CWC27: variants seen among roughly 807,000 people sequenced by gnomAD.
CWC27 encodes the protein CWC27 spliceosome associated cyclophilin.
CWC27 carries 47 observed loss-of-function variants against 63.6 expected under a neutral mutation model. That is an observed-to-expected ratio of 0.74 (90% CI 0.58 to 0.94). The LOEUF (loss-of-function observed/expected upper bound fraction) is 0.94. Among genes scored for constraint, CWC27 ranks in the 40% least tolerant of loss-of-function variants. The probability of loss-of-function intolerance (pLI) is 0.00; values close to 1 mark genes in which losing one functional copy is unlikely to be tolerated. For missense variants in CWC27, 495 were observed against 554.3 expected (o/e 0.89, Z 1.07); for synonymous variants, 175 against 179.8 (o/e 0.97, Z 0.22).
rs10045421 is a variant in CWC27, at chr5:64,921,869, T to C, written c.1042+36323T>C. Among the ~76,000 whole-genome samples, 950 of 152,328 alleles carry C rather than the reference T, an allele frequency of 6.2e-3. 13 individuals carry two copies. Among genetic ancestry groups the C allele is most frequent in the African/African-American group, 0.022 (922 of 41,588 alleles). ...CAGGTCTAATGGTAACAAAGTCCCT[T>C]AGCATTTGCTTGTCTGAAAAGGATT... On this transcript the variant is annotated intron_variant, in intron 11 of 13. Transcript: ENST00000381070.
At chr5:64,906,225 T>C (rs1747637707) in intron 11 of CWC27, among the ~76,000 whole-genome samples, 2 of 152,218 alleles carry the variant, frequency 1.3e-5, no homozygotes, top group Non-Finnish European at 2.9e-5. Context: ...AAATGGTATT[T>C]CTAGTTCTAG....
chr5:64,885,613 C>T, intron 11 of CWC27, 67 bp downstream of exon 11: 1 of 1,133,308 alleles, frequency 8.8e-7, no homozygotes, highest in Non-Finnish European at 1.3e-6. Flanking sequence ...TTAGCTCCTC[C>T]CTGCCCGCTC....
intron 11 of CWC27, among the ~76,000 whole-genome samples, chr5:64,937,323 C>T (rs1748375804): frequency 6.6e-6 from 1 of 152,140 alleles, no homozygotes; most frequent in African/African-American, 2.4e-5. Context: ...TTTCAAAGAA[C>T]TTATTTATTT....
intron 13 of CWC27, among the ~76,000 whole-genome samples, chr5:64,983,002 A>G (rs548956216): frequency 3.3e-5 from 5 of 151,928 alleles, no homozygotes; most frequent in Non-Finnish European, 7.4e-5. Context: ...TCATTATGAG[A>G]CTCTAATGAC....
At chr5:64,875,187 A>C (rs956297500) in intron 10 of CWC27, among the ~76,000 whole-genome samples, 1 of 152,184 alleles carries the variant, frequency 6.6e-6, no homozygotes, top group African/African-American at 2.4e-5. Flanking sequence ...GAGATCTTAC[A>C]AAGATTAGGG....
chr5:64,772,501 C>T (rs892707997), intron 1 of CWC27, among the ~76,000 whole-genome samples: 2 of 151,282 alleles, frequency 1.3e-5, no homozygotes, highest in African/African-American at 4.9e-5. Context: ...ATGTTGTGAG[C>T]CTGTAATCCC....
In CWC27 at chr5:64,889,680, C is replaced by T. The variant is rs112888519; in HGVS notation, c.1042+4134C>T. Among the ~76,000 whole-genome samples the T allele has an allele frequency of 8.5e-3, 1,297 of 152,246 alleles. 16 individuals are homozygous for T. Among genetic ancestry groups the T allele is most frequent in the South Asian group, 0.02 (96 of 4,822 alleles). On this transcript the variant is annotated intron_variant, in intron 11 of 13. Coordinates refer to ENST00000381070, the MANE Select transcript of CWC27 (RefSeq NM_005869.4). ...GTGGCTCACGCCTGTAATCCCAGCA[C>T]TTTGGGATTGAATATAGAATTTGCA...
intron 10 of CWC27, chr5:64,884,356 G>A (rs1397906407): frequency 6.6e-6 from 1 of 152,074 alleles, no homozygotes; most frequent in East Asian, 1.9e-4. Flanking sequence ...TGCAAAATGT[G>A]GCTGTGTGTG....
chr5:64,876,359 G>A (rs1477933100), intron 10 of CWC27, among the ~76,000 whole-genome samples: 1 of 152,046 alleles, frequency 6.6e-6, no homozygotes, highest in Non-Finnish European at 1.5e-5. Flanking sequence ...TAAAGCAGCA[G>A]GCTAAAGACC....
intron 10 of CWC27, among the ~76,000 whole-genome samples, chr5:64,825,956 T>A (rs1745344825): frequency 6.6e-6 from 1 of 152,246 alleles, no homozygotes; most frequent in Admixed American, 6.5e-5. Flanking sequence ...CGTCTGTGAA[T>A]AGTAGCTTCA....
chr5:64,936,811 T>A (rs1748363700), intron 11 of CWC27, among the ~76,000 whole-genome samples: 1 of 152,200 alleles, frequency 6.6e-6, no homozygotes, highest in Non-Finnish European at 1.5e-5. Flanking sequence ...TTTGACTTCT[T>A]TCTGGTTTAG....
intron 11 of CWC27, among the ~76,000 whole-genome samples, chr5:64,896,435 T>C (rs929508673): frequency 1.3e-5 from 2 of 152,158 alleles, no homozygotes; most frequent in African/African-American, 4.8e-5. Flanking sequence ...ATGTCTTATG[T>C]TGAATAATAA....
chr5:64,920,467 C>G (rs1747976224), intron 11 of CWC27, among the ~76,000 whole-genome samples: 1 of 152,038 alleles, frequency 6.6e-6, no homozygotes, highest in Non-Finnish European at 1.5e-5. Flanking sequence ...GCTTTGGTAT[C>G]CGAATGATGC....
chr5:65,010,460 A>G (rs1749929786), intron 13 of CWC27, among the ~76,000 whole-genome samples: 1 of 152,224 alleles, frequency 6.6e-6, no homozygotes, highest in Non-Finnish European at 1.5e-5. Flanking sequence ...TAAAGTTTGT[A>G]ATCCACAGTC....
At chr5:64,916,885 TTAGTAGTAG>T (rs56214406) in intron 11 of CWC27, among the ~76,000 whole-genome samples, 138 of 144,066 alleles carry the variant, frequency 9.6e-4, no homozygotes, top group South Asian at 5.8e-3. Context: ...AGTAGTAGTA[TTAGTAGTAG>T]TAGTAGTAGT....
chr5:64,911,803 G>A lies in CWC27; in HGVS notation c.1042+26257G>A, dbSNP rs376179239. Among the ~76,000 whole-genome samples the A allele has an allele frequency of 3.7e-3, 558 of 152,178 alleles. 4 individuals are homozygous for A. Among genetic ancestry groups the A allele is most frequent in the African/African-American group, 0.013 (521 of 41,524 alleles). On this transcript the variant is annotated intron_variant, in intron 11 of 13. Transcript: ENST00000381070. ...GAAAGTAGACAGACCGGCTGGGCACGGTGGCTCAAGCCTGTAATCCCAGCA... is the reference window on the plus strand; with the variant it reads ...GAAAGTAGACAGACCGGCTGGGCACAGTGGCTCAAGCCTGTAATCCCAGCA...
At chr5:64,977,576 CT>C (rs1439661601) in intron 13 of CWC27, among the ~76,000 whole-genome samples, 1 of 152,036 alleles carries the variant, frequency 6.6e-6, no homozygotes, top group Non-Finnish European at 1.5e-5. Flanking sequence ...CGAAAACAAC[CT>C]TAGAAGATAA....
intron 10 of CWC27, among the ~76,000 whole-genome samples, chr5:64,821,867 G>A (rs1342328136): frequency 1.3e-5 from 2 of 152,218 alleles, no homozygotes; most frequent in African/African-American, 2.4e-5. Context: ...TAAGGAATGG[G>A]ATATTAGAAT....
chr5:64,997,188 G>C (rs1199050135), intron 13 of CWC27, among the ~76,000 whole-genome samples: 1 of 152,102 alleles, frequency 6.6e-6, no homozygotes, highest in Non-Finnish European at 1.5e-5. Flanking sequence ...ATAAATAGTA[G>C]AGTGGTTATG....
Sources: allele counts gnomAD v4.1 joint callset (sites outside exome capture counted in the v4.1 genomes callset), GRCh38; gene constraint gnomAD v4.1.1; transcripts MANE v1.5; gene names NCBI Gene and HGNC (gene_info 2026-07-23, HGNC 2026-07-21).